Variants in FAM186A observed in about 807,000 individuals in gnomAD.
FAM186A encodes the protein protein FAM186A.
In FAM186A, 163 loss-of-function variants were observed where a neutral mutation model predicts 216.8. That is an observed-to-expected ratio of 0.75 (90% CI 0.66 to 0.86). The LOEUF is 0.86. FAM186A is among the 40% of genes least tolerant of loss of function. The probability of loss-of-function intolerance (pLI) is 0.00; values close to 1 mark genes in which losing one functional copy is unlikely to be tolerated. For synonymous variants in FAM186A, 805 were observed against 1,025.3 expected (o/e 0.79, Z 4.10); for missense variants, 2,184 against 2,746.2 (o/e 0.80, Z 4.58).
chr12:50,330,559 A>G lies in FAM186A; in HGVS notation c.7034+14T>C. 6.5e-7 allele frequency: 1 copy of G among 1,544,106 alleles called. No individual in the cohort carries two copies. The highest frequency in any genetic ancestry group is 8.7e-7 in the Non-Finnish European group (1 of 1,144,608). The stretch of plus-strand genomic sequence containing the variant: ...AAGGCCCAATTACCAGAGTGCTTCC[A>G]GTCCATAACTTACCGTGATTGGAGG... On this transcript the variant is annotated intron_variant, in intron 7 of 7. Transcript: ENST00000327337.
At chr12:50,380,893 G>A (rs1052732381) in intron 1 of FAM186A, among the ~76,000 whole-genome samples, 2 of 152,184 alleles carry the variant, frequency 1.3e-5, no homozygotes, top group East Asian at 1.9e-4. Context: ...ATGGAGTGGC[G>A]AGGGGTATGT....
At chr12:50,393,322 G>T (rs1943381123) in intron 1 of FAM186A, among the ~76,000 whole-genome samples, 1 of 151,818 alleles carries the variant, frequency 6.6e-6, no homozygotes, top group Admixed American at 6.6e-5. Flanking sequence ...AGGATCACCT[G>T]AGGTCAGGAG....
intron 4 of FAM186A, among the ~76,000 whole-genome samples, chr12:50,345,318 G>T (rs1942801890): frequency 6.6e-6 from 1 of 152,042 alleles, no homozygotes; most frequent in Non-Finnish European, 1.5e-5. Flanking sequence ...GCAGGAGAAT[G>T]GCTTGAACTC....
chr12:50,374,164 G>A (rs12821376), intron 1 of FAM186A, among the ~76,000 whole-genome samples: 4 of 119,774 alleles, frequency 3.3e-5, no homozygotes, highest in African/African-American at 1.3e-4. Flanking sequence ...GGTGGGGGGA[G>A]GGGGGAGGGA....
intron 4 of FAM186A, among the ~76,000 whole-genome samples, chr12:50,339,781 G>C (rs1464311924): frequency 2.3e-5 from 3 of 133,080 alleles, no homozygotes; most frequent in African/African-American, 9.1e-5. Context: ...CACACACACA[G>C]AGCTTCTTCC....
At chr12:50,346,224 A>G (rs760411239) in intron 4 of FAM186A, among the ~76,000 whole-genome samples, 5,398 of 136,672 alleles carry the variant, frequency 0.039, 676 homozygotes, top group African/African-American at 0.092. Context: ...AGAGAAGGAA[A>G]GAAAGAAAGA....
At chr12:50,366,199 G>A in intron 1 of FAM186A, 1 of 567,458 alleles carries the variant, frequency 1.8e-6, no homozygotes, top group Non-Finnish European at 3.1e-6. Context: ...GATGTTAGGT[G>A]TATTTGCTGT....
chr12:50,374,093 C>G (rs1378009570), intron 1 of FAM186A, among the ~76,000 whole-genome samples: 1 of 140,044 alleles, frequency 7.1e-6, no homozygotes, highest in African/African-American at 2.7e-5. Context: ...TAGGTGGGAA[C>G]TGAACAATGA....
intron 1 of FAM186A, among the ~76,000 whole-genome samples, chr12:50,365,115 A>C (rs2136098698): frequency 6.6e-6 from 1 of 152,220 alleles, no homozygotes; most frequent in East Asian, 1.9e-4. Context: ...CAGGAATACA[A>C]ATACTACGTA....
Position 50,351,080 on chromosome 12 carries a change from G to A in FAM186A, c.5752C>T (p.Arg1918Ter), listed in dbSNP as rs1245561935. The A allele has an allele frequency of 2.6e-6, 4 of 1,551,454 alleles. No homozygotes were observed. Among genetic ancestry groups the A allele is most frequent in the Admixed American group, 2.0e-5 (1 of 50,982 alleles). The part of the protein sequence containing the change: ...QHLATWTLPG[R>*]ASSLWIPPTS... The stretch of plus-strand genomic sequence containing the variant: ...GGAGGGATCCATAATGAAGAAGCTC[G>A]CCCAGGAAGGGTCCATGTTGCCAGA... The change falls in exon 4 of 8, where the codon CGA (arginine) becomes TGA (stop). Residue 1918 changes from arginine (R) to a stop codon, truncating the protein, a stop_gained. Transcript: ENST00000327337. LOFTEE classifies it high-confidence loss of function.
chr12:50,373,179 A>T (rs1292528425), intron 1 of FAM186A, among the ~76,000 whole-genome samples: 2 of 152,228 alleles, frequency 1.3e-5, no homozygotes, highest in East Asian at 3.9e-4. Flanking sequence ...TGGGCATATC[A>T]CGAGGTCAGG....
intron 1 of FAM186A, chr12:50,365,506 C>A (rs1943078973): frequency 3.4e-6 from 1 of 296,636 alleles, no homozygotes; most frequent in Non-Finnish European, 6.2e-6. Flanking sequence ...CAGTTAAGAA[C>A]CACTGGTTCA....
In FAM186A at chr12:50,330,138, G is replaced by T. The variant is rs574582366; in HGVS notation, c.7034+435C>A. On this transcript the variant is annotated intron_variant, in intron 7 of 7. Coordinates refer to ENST00000327337, the MANE Select transcript of FAM186A (RefSeq NM_001145475.3). ...GGAAATGTGGAGTCATCTCTTCAGT[G>T]TATCCTAGGAAGTAAACACCTAATT... Among the ~76,000 whole-genome samples the T allele has an allele frequency of 3.3e-5, 5 of 152,234 alleles. No homozygotes were observed. The South Asian group carries it at 1.0e-3, about 32-fold the overall frequency.
At position 50,350,447 on chromosome 12, in the gene FAM186A, G is replaced by T; in HGVS notation, c.6385C>A (p.Pro2129Thr). 1 of 1,551,496 alleles carries T rather than the reference G, an allele frequency of 6.4e-7. No homozygotes were observed. Among genetic ancestry groups the T allele is most frequent in the Non-Finnish European group, 8.7e-7 (1 of 1,146,942 alleles). ...LNQAIKTCGL[P>T]SQLHTMARTL... ...CTAGCCATTGTGTGTAGCTGTGAAG[G>T]GAGTCCACAAGTTTTTATAGCCTGA... Residue 2129 changes from proline (P) to threonine (T), a missense_variant, in exon 4 of 8, where the codon CCT (proline) becomes ACT (threonine). Around this residue, in one of 7 missense-constraint regions of FAM186A, gnomAD observed 721 missense variants for 816.4 expected, o/e 0.88. Coordinates refer to ENST00000327337, the MANE Select transcript of FAM186A (RefSeq NM_001145475.3).
Position 50,350,952 on chromosome 12 carries a change from A to G in FAM186A, c.5880T>C (p.Ser1960=). Residue 1960 remains serine (S), a synonymous_variant, in exon 4 of 8, where the codon TCT becomes TCC. Coordinates refer to ENST00000327337, the MANE Select transcript of FAM186A (RefSeq NM_001145475.3). ...TCAATACTGATTTAGATTTCAGAGA[A>G]GAAATAATTGCCAATCTTTTCTTAG... ...SVAKKRLAII[S]SLKSKSVLIH... 1 of 1,551,446 alleles carries G rather than the reference A, an allele frequency of 6.4e-7. No individual in the cohort carries two copies. The highest frequency in any genetic ancestry group is 1.2e-5 in the South Asian group (1 of 84,020).
intron 1 of FAM186A, among the ~76,000 whole-genome samples, chr12:50,366,285 A>G (rs2136099155): frequency 6.6e-6 from 1 of 152,290 alleles, no homozygotes; most frequent in African/African-American, 2.4e-5. Context: ...ATGAAGAATA[A>G]CATTACAAGC....
chr12:50,360,423 G>A (rs1268571869), intron 3 of FAM186A, among the ~76,000 whole-genome samples: 3 of 148,118 alleles, frequency 2.0e-5, no homozygotes, highest in Non-Finnish European at 3.0e-5. Flanking sequence ...AGTGGCTCAC[G>A]CCTGTAATCC....
intron 4 of FAM186A, among the ~76,000 whole-genome samples, chr12:50,346,086 G>C (rs1433038447): frequency 1.4e-5 from 2 of 146,720 alleles, no homozygotes; most frequent in Admixed American, 1.4e-4. Context: ...TAGAAGGATT[G>C]CTTCAGTCTG....
Position 50,354,531 on chromosome 12 carries a change from T to C in FAM186A, c.2301A>G (p.Ser767=). 1 of 1,551,674 alleles carries C rather than the reference T, an allele frequency of 6.4e-7. No homozygotes were observed. Among genetic ancestry groups the C allele is most frequent in the Non-Finnish European group, 8.7e-7 (1 of 1,147,000 alleles). Residue 767 remains serine, a synonymous_variant, in exon 4 of 8, where the codon TCA becomes TCG. Coordinates refer to ENST00000327337, the MANE Select transcript of FAM186A (RefSeq NM_001145475.3). ...SFMPGLHFQK[S]PISAKSESST... is the part of the protein sequence containing the mutation. ...TGCTTTCAGATTTTGCACTAATTGG[T>C]GACTTCTGAAAATGCAATCCTGGCA...
Sources: allele counts gnomAD v4.1 joint callset (sites outside exome capture counted in the v4.1 genomes callset), GRCh38; gene constraint gnomAD v4.1.1; regional missense constraint gnomAD v4.1.1; transcripts MANE v1.5; gene names NCBI Gene and HGNC (gene_info 2026-07-23, HGNC 2026-07-21).